The following OSBPL8 variants were observed in gnomAD, a reference collection of about 807,000 sequenced individuals.
The protein encoded by OSBPL8 is oxysterol binding protein like 8.
In OSBPL8, 59 loss-of-function variants were observed where a neutral mutation model predicts 125.5. The observed-to-expected ratio is 0.47, with a 90% CI of 0.38 to 0.58. OSBPL8 has a LOEUF of 0.58. Ranked by LOEUF, OSBPL8 falls within the 20% of genes least tolerant of loss-of-function variation. OSBPL8 has a pLI of 0.00. For synonymous variants in OSBPL8, 330 were observed against 338.9 expected (o/e 0.97, Z 0.29); for missense variants, 758 against 1,047.8 (o/e 0.72, Z 3.82).
At chr12:76,384,565 G>A (rs1953216727) in intron 14 of OSBPL8, among the ~76,000 whole-genome samples, 1 of 152,100 alleles carries the variant, frequency 6.6e-6, no homozygotes, top group African/African-American at 2.4e-5. Context: ...TAGTCACATA[G>A]GCCCCTCTTA....
chr12:76,380,482 C>T lies in OSBPL8; in HGVS notation c.1631-1932G>A, dbSNP rs566572273. ...TCAGGAGGCTGAGGTGAGAGGATCC[C>T]TTGAGCTCAGGAGTTTGAGACCAGC... is the stretch of plus-strand genomic sequence containing the variant. On this transcript the variant is annotated intron_variant, in intron 15 of 23. Transcript: ENST00000261183. Among the ~76,000 whole-genome samples, 264 of 131,618 alleles carry T rather than the reference C, an allele frequency of 2.0e-3. 1 individual carries two copies. In the Middle Eastern group the frequency reaches 0.027, roughly 13 times the overall value. 86.3% of individuals were successfully genotyped at this position (131,618 alleles called of 152,430 possible). A position where few individuals can be genotyped will look rare whatever the true frequency, so the allele number is the denominator to read the frequency against.
intron 1 of OSBPL8, among the ~76,000 whole-genome samples, chr12:76,528,371 G>A (rs1306774658): frequency 6.7e-6 from 1 of 148,910 alleles, no homozygotes; most frequent in Admixed American, 6.7e-5. Flanking sequence ...AATAACAGAA[G>A]ATGAAATCAT....
intron 4 of OSBPL8, among the ~76,000 whole-genome samples, chr12:76,420,976 C>T (rs1344514004): frequency 2.0e-5 from 3 of 151,964 alleles, no homozygotes; most frequent in African/African-American, 4.8e-5. Context: ...ACAAATCCAT[C>T]CAAGATGGCT....
chr12:76,397,612 A>G, intron 8 of OSBPL8, 82 bp downstream of exon 8: 1 of 1,344,846 alleles, frequency 7.4e-7, no homozygotes, highest in Non-Finnish European at 1.0e-6. Context: ...GCAGAGGACT[A>G]AACTCATTTG....
At chr12:76,447,986 AT>A (rs974086886) in intron 4 of OSBPL8, among the ~76,000 whole-genome samples, 2 of 152,230 alleles carry the variant, frequency 1.3e-5, no homozygotes, top group African/African-American at 2.4e-5. Flanking sequence ...CTGTAGAAAG[AT>A]TTGGGGAAAA....
intron 1 of OSBPL8, among the ~76,000 whole-genome samples, chr12:76,528,910 T>C (rs1950258623): frequency 6.6e-6 from 1 of 152,058 alleles, no homozygotes; most frequent in South Asian, 2.1e-4. Context: ...TCATCAAATT[T>C]TTCACTTCTC....
At chr12:76,365,093 C>T (rs1285892402) in intron 21 of OSBPL8, among the ~76,000 whole-genome samples, 2 of 152,178 alleles carry the variant, frequency 1.3e-5, no homozygotes, top group Non-Finnish European at 2.9e-5. Flanking sequence ...GTAGCTGAGA[C>T]TACAGGCGTG....
At chr12:76,558,616 T>C (rs761301382) in intron 1 of OSBPL8, among the ~76,000 whole-genome samples, 13 of 152,362 alleles carry the variant, frequency 8.5e-5, no homozygotes, top group Non-Finnish European at 1.8e-4. Context: ...CCAAGTTACC[T>C]ATTATTTCAG....
chr12:76,396,656 C>T (rs186677988), intron 8 of OSBPL8, among the ~76,000 whole-genome samples: 50 of 152,016 alleles, frequency 3.3e-4, no homozygotes, highest in Admixed American at 9.8e-4. Flanking sequence ...TGGGGGGCTG[C>T]GGTGGGAGAA....
At chr12:76,459,836 C>T in intron 3 of OSBPL8, 23 bp downstream of exon 3, 1 of 1,613,064 alleles carries the variant, frequency 6.2e-7, no homozygotes, top group Non-Finnish European at 8.5e-7. Flanking sequence ...CCCAAACATG[C>T]CGTTCAAGCT....
intron 21 of OSBPL8, among the ~76,000 whole-genome samples, chr12:76,360,249 C>A (rs1028421953): frequency 6.6e-6 from 1 of 152,226 alleles, no homozygotes; most frequent in Admixed American, 6.5e-5. Context: ...GGTCATAGGG[C>A]CCATGCAAGT....
chr12:76,424,052 G>A (rs1304483535), intron 4 of OSBPL8, among the ~76,000 whole-genome samples: 1 of 152,032 alleles, frequency 6.6e-6, no homozygotes, highest in Non-Finnish European at 1.5e-5. Flanking sequence ...CCAGGCTAGA[G>A]TGCAGTGGCA....
intron 2 of OSBPL8, among the ~76,000 whole-genome samples, chr12:76,468,776 C>T (rs192043298): frequency 1.7e-4 from 26 of 152,318 alleles, no homozygotes; most frequent in African/African-American, 6.3e-4. Context: ...CTTTTCTCCA[C>T]CATTATAATG....
chr12:76,409,146 C>T (rs1954401521), intron 5 of OSBPL8, among the ~76,000 whole-genome samples: 1 of 152,162 alleles, frequency 6.6e-6, no homozygotes, highest in South Asian at 2.1e-4. Flanking sequence ...CATACTGACT[C>T]TTCTAAGCTG....
chr12:76,538,057 C>T (rs1163559945), intron 1 of OSBPL8: 2 of 152,310 alleles, frequency 1.3e-5, no homozygotes, highest in African/African-American at 4.8e-5. Context: ...TATATAGTGG[C>T]AGTCAGCTAA....
chr12:76,371,807 G>T (rs1407330258), intron 18 of OSBPL8: 2 of 331,004 alleles, frequency 6.0e-6, no homozygotes. Context: ...AAAGAATTTG[G>T]TTGAATATCC....
intron 3 of OSBPL8, among the ~76,000 whole-genome samples, chr12:76,454,843 T>TA (rs1371789524): frequency 6.8e-6 from 1 of 146,920 alleles, no homozygotes; most frequent in Non-Finnish European, 1.5e-5. Context: ...CATACATGAG[T>TA]AAAAAACAAT....
chr12:76,479,288 C>T (rs1210411650), intron 2 of OSBPL8, among the ~76,000 whole-genome samples: 4 of 152,224 alleles, frequency 2.6e-5, no homozygotes, highest in Admixed American at 6.5e-5. Flanking sequence ...ACGCACTACA[C>T]GCCTGTATCA....
intron 1 of OSBPL8, among the ~76,000 whole-genome samples, chr12:76,505,606 G>T (rs1447468905): frequency 6.6e-6 from 1 of 152,066 alleles, no homozygotes. Context: ...GCCTGGAAAG[G>T]CCTTTAGGCT....
Sources: allele counts gnomAD v4.1 joint callset (sites outside exome capture counted in the v4.1 genomes callset), GRCh38; gene constraint gnomAD v4.1.1; transcripts MANE v1.5; gene names NCBI Gene and HGNC (gene_info 2026-07-23, HGNC 2026-07-21).